ALMS1: variants seen among roughly 807,000 people sequenced by gnomAD.
ALMS1 encodes centrosome-associated protein ALMS1.
Under a neutral mutation model 352.2 loss-of-function variants are expected in ALMS1, and 271 were observed. The observed-to-expected ratio is 0.77, with a 90% CI of 0.70 to 0.85. The LOEUF (loss-of-function observed/expected upper bound fraction) is 0.85. ALMS1 is among the 40% of genes least tolerant of loss of function. The pLI is 0.00. For missense variants in ALMS1, 5,445 were observed against 4,870.7 expected, an observed-to-expected ratio of 1.12 and a Z score of -3.51; for synonymous variants, 1,865 against 1,761.2, an observed-to-expected ratio of 1.06 and a Z score of -1.48.
chr2:73,490,533 A>G lies in ALMS1; in HGVS notation c.8574A>G (p.Arg2858=), dbSNP rs1489673662. The G allele has an allele frequency of 6.2e-7, 1 of 1,614,202 alleles. No individual in the cohort carries two copies. Among genetic ancestry groups the G allele is most frequent in the Non-Finnish European group, 8.5e-7 (1 of 1,180,032 alleles). ...CAAGTTCCACCCTAGGAGTAAACAG[A>G]TCGAGTTCCAGACTAGGAGTAAAAG... is the stretch of plus-strand genomic sequence containing the variant. The part of the protein sequence containing the change: ...GRPSSTLGVN[R]SSSRLGVKEK... Residue 2858 remains arginine (R), a synonymous_variant, in exon 10 of 23, where the codon AGA becomes AGG. Transcript: ENST00000613296.
intron 21 of ALMS1, among the ~76,000 whole-genome samples, chr2:73,604,157 A>C (rs1432635149): frequency 1.3e-5 from 2 of 152,252 alleles, no homozygotes; most frequent in African/African-American, 4.8e-5. Flanking sequence ...TTGCCTTTGG[A>C]AAGGATAACA....
At chr2:73,505,577 T>G (rs1166424135) in intron 10 of ALMS1, among the ~76,000 whole-genome samples, 1 of 152,220 alleles carries the variant, frequency 6.6e-6, no homozygotes, top group Non-Finnish European at 1.5e-5. Flanking sequence ...GTTTGTTTTT[T>G]TCTTGTACAT....
At chr2:73,466,433 A>G (rs1169786279) in intron 9 of ALMS1, among the ~76,000 whole-genome samples, 2 of 140,642 alleles carry the variant, frequency 1.4e-5, no homozygotes, top group African/African-American at 2.7e-5. Context: ...GAATTGAACA[A>G]TGAGAACACA....
At chr2:73,533,654 A>G (rs1558684022) in intron 11 of ALMS1, among the ~76,000 whole-genome samples, 1 of 152,216 alleles carries the variant, frequency 6.6e-6, no homozygotes, top group Non-Finnish European at 1.5e-5. Flanking sequence ...GAGGTAGGGA[A>G]GTTGGACACG....
Position 73,534,904 on chromosome 2 carries a change from T to A in ALMS1, c.9862T>A (p.Ser3288Thr), listed in dbSNP as rs761008882. Reference protein sequence around the residue: ...YVPQLRQIPPSPDSKSDTTVE... With the variant: ...YVPQLRQIPPTPDSKSDTTVE... ...TCCACAATTAAGACAAATTCCTCCA[T>A]CTCCGGATTCCAAATCAGATACCAC... Residue 3288 changes from serine to threonine, a missense_variant, in exon 12 of 23, where the codon TCT (serine) becomes ACT (threonine). Transcript: ENST00000613296. 6.2e-7 allele frequency: 1 copy of A among 1,613,790 alleles called. No individual in the cohort carries two copies. Among genetic ancestry groups the A allele is most frequent in the Non-Finnish European group, 8.5e-7 (1 of 1,179,772 alleles).
chr2:73,556,885 A>G (rs1471918143), intron 13 of ALMS1, among the ~76,000 whole-genome samples: 2 of 151,946 alleles, frequency 1.3e-5, no homozygotes, highest in East Asian at 3.9e-4. Flanking sequence ...TATTTATAGT[A>G]GAGTTGGGGT....
chr2:73,452,365 G>A lies in ALMS1; in HGVS notation c.5838G>A (p.Lys1946=). ...VPLSYYSRRE[K]PSVISQQELP... ...TAAGTTACTACTCACGTAGAGAGAAGCCCAGTGTTATCTCTCAACAGGAGT... is the reference window on the plus strand; with the variant it reads ...TAAGTTACTACTCACGTAGAGAGAAACCCAGTGTTATCTCTCAACAGGAGT... Residue 1946 remains lysine, a synonymous_variant, in exon 8 of 23, where the codon AAG becomes AAA. Coordinates refer to ENST00000613296, the MANE Select transcript of ALMS1 (RefSeq NM_001378454.1). 1.2e-6 allele frequency: 2 copies of A among 1,614,030 alleles called. No individual in the cohort carries two copies. Among genetic ancestry groups the A allele is most frequent in the Non-Finnish European group, 1.7e-6 (2 of 1,179,970 alleles).
chr2:73,555,746 A>G (rs1431478827), intron 13 of ALMS1, among the ~76,000 whole-genome samples: 1 of 152,188 alleles, frequency 6.6e-6, no homozygotes, highest in Non-Finnish European at 1.5e-5. Context: ...GCTTTTCAAA[A>G]TAGGAAATAG....
intron 15 of ALMS1, among the ~76,000 whole-genome samples, chr2:73,570,451 A>G (rs1674902569): frequency 6.6e-6 from 1 of 152,188 alleles, no homozygotes; most frequent in African/African-American, 2.4e-5. Context: ...CTTTTAGTCC[A>G]GAAGTATGGC....
chr2:73,550,818 G>C (rs1014034980), intron 13 of ALMS1, among the ~76,000 whole-genome samples: 1 of 151,996 alleles, frequency 6.6e-6, no homozygotes, highest in Non-Finnish European at 1.5e-5. Context: ...ATTCTGTAGG[G>C]AGATATGTAG....
At chr2:73,462,723 A>G (rs1469214404) in intron 9 of ALMS1, 3 of 152,240 alleles carry the variant, frequency 2.0e-5, no homozygotes, top group Non-Finnish European at 2.9e-5. Flanking sequence ...TCTCATGTGC[A>G]GAGACACACA....
chr2:73,534,976 T>A (rs1673996853), intron 12 of ALMS1, 27 bp downstream of exon 12: 1 of 1,612,962 alleles, frequency 6.2e-7, no homozygotes, highest in Non-Finnish European at 8.5e-7. Context: ...ATTCGAAGTT[T>A]TATTGTTTGA....
intron 10 of ALMS1, among the ~76,000 whole-genome samples, chr2:73,515,451 A>T (rs1673535342): frequency 6.6e-6 from 1 of 151,952 alleles, no homozygotes; most frequent in Non-Finnish European, 1.5e-5. Context: ...TTCATATGTT[A>T]CATAATGTTT....
At chr2:73,393,580 A>T (rs1670696077) in intron 1 of ALMS1, among the ~76,000 whole-genome samples, 1 of 152,026 alleles carries the variant, frequency 6.6e-6, no homozygotes, top group South Asian at 2.1e-4. Context: ...CCCTTCCAAG[A>T]TTCCACTCTC....
At chr2:73,603,411 C>A in intron 21 of ALMS1, 107 bp downstream of exon 21, 20 of 952,562 alleles carry the variant, frequency 2.1e-5, no homozygotes, top group Admixed American at 4.0e-5. Flanking sequence ...CAAGTTTAAA[C>A]ATTATGAGAA....
chr2:73,392,275 T>C (rs890640567), intron 1 of ALMS1, among the ~76,000 whole-genome samples: 1 of 147,684 alleles, frequency 6.8e-6, no homozygotes, highest in South Asian at 2.1e-4. Context: ...TGTGTGTGTG[T>C]GTGTGTGTGT....
At chr2:73,405,199 C>A (rs1174001867) in intron 1 of ALMS1, among the ~76,000 whole-genome samples, 1 of 152,084 alleles carries the variant, frequency 6.6e-6, no homozygotes, top group African/African-American at 2.4e-5. Context: ...CAGGTGTGAG[C>A]CACTGCGCCT....
chr2:73,465,205 G>C (rs556139907), intron 9 of ALMS1, among the ~76,000 whole-genome samples: 32 of 152,170 alleles, frequency 2.1e-4, no homozygotes, highest in Middle Eastern at 6.8e-3. Context: ...AAAGAACAAA[G>C]CTGGAGGCAT....
At chr2:73,535,258 G>T (rs34032338) in intron 12 of ALMS1, among the ~76,000 whole-genome samples, 6 of 151,818 alleles carry the variant, frequency 4.0e-5, no homozygotes, top group Non-Finnish European at 7.4e-5. Flanking sequence ...TATTTTCTCC[G>T]CTTTATATAT....
Sources: allele counts gnomAD v4.1 joint callset (sites outside exome capture counted in the v4.1 genomes callset), GRCh38; gene constraint gnomAD v4.1.1; transcripts MANE v1.5; gene names NCBI Gene and HGNC (gene_info 2026-07-23, HGNC 2026-07-21).